The following RAB38 variants were observed in gnomAD, a reference collection of about 807,000 sequenced individuals.
RAB38 encodes ras-related protein Rab-38.
A neutral mutation model predicts 18.4 loss-of-function variants in RAB38; 15 were observed. The observed-to-expected ratio is 0.82, with a 90% CI of 0.55 to 1.26. RAB38 has a LOEUF of 1.26. Ranked by LOEUF, RAB38 falls within the 50% of genes most tolerant of loss-of-function variation. RAB38 has a pLI of 0.00. For synonymous variants in RAB38, 101 were observed against 104.4 expected (o/e 0.97, Z 0.20); for missense variants, 294 against 267.4 (o/e 1.10, Z -0.69).
chr11:88,155,737 G>T (rs182221164), intron 1 of RAB38, among the ~76,000 whole-genome samples: 51 of 152,310 alleles, frequency 3.3e-4, no homozygotes, highest in Non-Finnish European at 2.9e-5. Context: ...ATCATGGATT[G>T]CAAGGCAGCT....
the RAB38 span, among the ~76,000 whole-genome samples, chr11:88,029,511 C>A: frequency 2.0e-5 from 3 of 151,958 alleles, no homozygotes; most frequent in Non-Finnish European, 1.5e-5. Flanking sequence ...CACACATAGG[C>A]TTAAAATAAA....
chr11:87,815,859 G>C, the RAB38 span: 1 of 152,380 alleles, frequency 6.6e-6, no homozygotes, highest in African/African-American at 2.4e-5. Context: ...ATAAGCCTTG[G>C]CCAAATGTGT....
chr11:87,807,789 G>T, the RAB38 span, among the ~76,000 whole-genome samples: 1 of 152,032 alleles, frequency 6.6e-6, no homozygotes, highest in Non-Finnish European at 1.5e-5. Flanking sequence ...GGCTGGTGCT[G>T]TTATCTCTGA....
chr11:88,015,735 G>A, the RAB38 span, among the ~76,000 whole-genome samples: 8 of 152,210 alleles, frequency 5.3e-5, no homozygotes, highest in South Asian at 2.1e-4. Flanking sequence ...CAGCTGTTGC[G>A]TGTTCCTAAG....
At chr11:87,928,975 T>G in the RAB38 span, among the ~76,000 whole-genome samples, 1 of 151,902 alleles carries the variant, frequency 6.6e-6, no homozygotes, top group Admixed American at 6.6e-5. Context: ...AATAGCTGTG[T>G]GTGGTCGTGT....
At chr11:87,880,729 C>A in the RAB38 span, among the ~76,000 whole-genome samples, 3 of 151,742 alleles carry the variant, frequency 2.0e-5, no homozygotes, top group Non-Finnish European at 4.4e-5. Context: ...TCAAAAGAAA[C>A]TACTTTTCTG....
At chr11:88,021,376 G>T in the RAB38 span, among the ~76,000 whole-genome samples, 2 of 151,966 alleles carry the variant, frequency 1.3e-5, no homozygotes, top group African/African-American at 4.8e-5. Flanking sequence ...AGCCTACCAA[G>T]ATTGAACCAT....
the RAB38 span, among the ~76,000 whole-genome samples, chr11:87,865,581 C>A: frequency 1.3e-5 from 2 of 151,510 alleles, no homozygotes; most frequent in Non-Finnish European, 3.0e-5. Flanking sequence ...ACTTCAAAAC[C>A]GTGAGATGAA....
At chr11:87,822,819 A>AT in the RAB38 span, among the ~76,000 whole-genome samples, 23 of 152,224 alleles carry the variant, frequency 1.5e-4, no homozygotes, top group African/African-American at 4.6e-4. Flanking sequence ...TACCCACATG[A>AT]TTTTTTAACA....
the RAB38 span, among the ~76,000 whole-genome samples, chr11:87,948,935 TATTG>T: frequency 6.6e-6 from 1 of 152,144 alleles, no homozygotes; most frequent in East Asian, 1.9e-4. Flanking sequence ...CCTCTTTTTC[TATTG>T]ATTGGAATAG....
At chr11:87,832,547 C>T in the RAB38 span, among the ~76,000 whole-genome samples, 5 of 152,144 alleles carry the variant, frequency 3.3e-5, no homozygotes, top group Non-Finnish European at 7.4e-5. Context: ...CCCCTGTTTT[C>T]TTATTCGCTG....
chr11:88,140,621 G>A (rs1942899677), intron 2 of RAB38, among the ~76,000 whole-genome samples: 1 of 152,182 alleles, frequency 6.6e-6, no homozygotes, highest in African/African-American at 2.4e-5. Flanking sequence ...GCCAAGTCCT[G>A]AAGGAAGAGT....
intron 2 of RAB38, among the ~76,000 whole-genome samples, chr11:88,120,701 C>T (rs756485823): frequency 2.0e-4 from 30 of 152,154 alleles, no homozygotes; most frequent in Non-Finnish European, 3.5e-4. Context: ...CATGGCCTTA[C>T]CTCAGCCTCT....
At chr11:88,170,348 C>G (rs1943296228) in intron 1 of RAB38, among the ~76,000 whole-genome samples, 1 of 152,188 alleles carries the variant, frequency 6.6e-6, no homozygotes, top group Non-Finnish European at 1.5e-5. Flanking sequence ...CACTCATCGC[C>G]AAATTTAGCT....
the RAB38 span, among the ~76,000 whole-genome samples, chr11:88,077,681 C>A: frequency 1.3e-5 from 2 of 151,966 alleles, no homozygotes; most frequent in Non-Finnish European, 2.9e-5. Context: ...ATGAAACTAC[C>A]AGAAGAAAAT....
At chr11:88,004,191 A>G in the RAB38 span, among the ~76,000 whole-genome samples, 1 of 149,708 alleles carries the variant, frequency 6.7e-6, no homozygotes, top group Non-Finnish European at 1.5e-5. Context: ...CTTCATGAAT[A>G]CAGATGAAAG....
At chr11:88,058,498 A>G in the RAB38 span, among the ~76,000 whole-genome samples, 1 of 152,184 alleles carries the variant, frequency 6.6e-6, no homozygotes, top group African/African-American at 2.4e-5. Flanking sequence ...TGCATAATTG[A>G]TGACTATTTA....
chr11:88,015,955 C>T, the RAB38 span, among the ~76,000 whole-genome samples: 540 of 152,240 alleles, frequency 3.5e-3, 2 homozygotes, highest in Non-Finnish European at 4.9e-3. Context: ...TTCAGCCATC[C>T]TTCCACCATA....
chr11:87,927,009 T>A, the RAB38 span, among the ~76,000 whole-genome samples: 2 of 152,056 alleles, frequency 1.3e-5, no homozygotes, highest in Non-Finnish European at 2.9e-5. Flanking sequence ...TGGACTTGCA[T>A]CTGTATGATA....
Sources: gnomAD v4.1 joint callset for allele counts (sites outside exome capture counted in the v4.1 genomes callset) on GRCh38, gnomAD v4.1.1 for gene constraint, MANE v1.5 for transcripts, NCBI Gene and HGNC (gene_info 2026-07-23, HGNC 2026-07-21) for gene names.